The following GALNT17 variants were observed in gnomAD, a reference collection of about 807,000 sequenced individuals.
GALNT17 encodes polypeptide N-acetylgalactosaminyltransferase 17.
Under a neutral mutation model 63.7 loss-of-function variants are expected in GALNT17, and 29 were observed. The observed-to-expected ratio is 0.46, with a 90% CI of 0.34 to 0.62. The LOEUF is 0.62. Among genes scored for constraint, GALNT17 ranks in the 20% least tolerant of loss-of-function variants. The pLI, the probability that GALNT17 is intolerant of heterozygous loss-of-function variation, is 0.01. For synonymous variants in GALNT17, 305 were observed against 318.3 expected (o/e 0.96, Z 0.45); for missense variants, 603 against 799.6 (o/e 0.75, Z 2.97).
intron 1 of GALNT17, among the ~76,000 whole-genome samples, chr7:71,233,748 C>A (rs1789836648): frequency 6.6e-6 from 1 of 152,084 alleles, no homozygotes; most frequent in Non-Finnish European, 1.5e-5. Flanking sequence ...CCCTTGGGAG[C>A]ACACATGTAT....
intron 1 of GALNT17, among the ~76,000 whole-genome samples, chr7:71,289,443 C>T (rs546197703): frequency 2.4e-4 from 37 of 152,190 alleles, no homozygotes; most frequent in African/African-American, 8.9e-4. Flanking sequence ...GTTCACATAA[C>T]ATCAGATTCA....
intron 5 of GALNT17, among the ~76,000 whole-genome samples, chr7:71,460,614 A>G (rs1227307268): frequency 6.6e-6 from 1 of 152,182 alleles, no homozygotes; most frequent in Non-Finnish European, 1.5e-5. Context: ...GCGAGTCCAT[A>G]GAGTAAAGTG....
chr7:71,204,269 A>T (rs905858640), intron 1 of GALNT17, among the ~76,000 whole-genome samples: 18 of 152,070 alleles, frequency 1.2e-4, no homozygotes, highest in East Asian at 1.9e-4. Flanking sequence ...GTCTGTTTTT[A>T]TGCCAGTACC....
At chr7:71,616,989 A>T (rs1012053164) in intron 6 of GALNT17, among the ~76,000 whole-genome samples, 2 of 146,262 alleles carry the variant, frequency 1.4e-5, no homozygotes, top group African/African-American at 5.0e-5. Context: ...TTCTATATTA[A>T]TATATAAATA....
chr7:71,595,465 A>C (rs1789871620), intron 6 of GALNT17, among the ~76,000 whole-genome samples: 1 of 151,920 alleles, frequency 6.6e-6, no homozygotes, highest in South Asian at 2.1e-4. Context: ...AAAGTAAAAA[A>C]ATCCAGGATG....
At chr7:71,654,248 G>A (rs1289245013) in intron 6 of GALNT17, among the ~76,000 whole-genome samples, 5 of 152,108 alleles carry the variant, frequency 3.3e-5, no homozygotes, top group Admixed American at 6.6e-5. Context: ...ATCTCCTGAC[G>A]TGATCCGCCC....
intron 5 of GALNT17, among the ~76,000 whole-genome samples, chr7:71,435,463 T>C (rs1483064172): frequency 6.6e-6 from 1 of 151,778 alleles, no homozygotes; most frequent in African/African-American, 2.4e-5. Flanking sequence ...GGTTTAGGAG[T>C]CATGCAGCTG....
intron 2 of GALNT17, among the ~76,000 whole-genome samples, chr7:71,385,270 G>A (rs1792920121): frequency 6.6e-6 from 1 of 152,114 alleles, no homozygotes; most frequent in Non-Finnish European, 1.5e-5. Context: ...AGGGCTGGAG[G>A]CTGAGCTCAG....
At chr7:71,409,776 T>G (rs1386050853) in intron 3 of GALNT17, among the ~76,000 whole-genome samples, 1 of 152,104 alleles carries the variant, frequency 6.6e-6, no homozygotes, top group Non-Finnish European at 1.5e-5. Flanking sequence ...GAGAAAGAGT[T>G]TCATGAGTAT....
At chr7:71,336,550 T>G (rs1236776449) in intron 2 of GALNT17, among the ~76,000 whole-genome samples, 1 of 152,196 alleles carries the variant, frequency 6.6e-6, no homozygotes, top group Non-Finnish European at 1.5e-5. Flanking sequence ...TATGTCCATG[T>G]GTACTCGTCG....
chr7:71,667,446 T>C (rs1286301320), intron 7 of GALNT17, among the ~76,000 whole-genome samples: 1 of 152,202 alleles, frequency 6.6e-6, no homozygotes, highest in Non-Finnish European at 1.5e-5. Flanking sequence ...ATTTGTAATA[T>C]CTTATTTAAT....
At chr7:71,184,998 T>TC (rs1174991794) in intron 1 of GALNT17, among the ~76,000 whole-genome samples, 1 of 116,292 alleles carries the variant, frequency 8.6e-6, no homozygotes, top group Non-Finnish European at 1.7e-5. Flanking sequence ...CTTCCTTCCT[T>TC]CTTCCTTCCC....
At chr7:71,175,876 G>A (rs1320442962) in intron 1 of GALNT17, among the ~76,000 whole-genome samples, 1 of 152,038 alleles carries the variant, frequency 6.6e-6, no homozygotes, top group African/African-American at 2.4e-5. Context: ...CCTCCAGCCT[G>A]GACAACAGAG....
chr7:71,624,346 G>C (rs1387305570), intron 6 of GALNT17, among the ~76,000 whole-genome samples: 1 of 152,206 alleles, frequency 6.6e-6, no homozygotes, highest in Non-Finnish European at 1.5e-5. Flanking sequence ...CACAGCAGAA[G>C]AGCATAACCA....
intron 1 of GALNT17, among the ~76,000 whole-genome samples, chr7:71,331,933 A>G (rs1791814985): frequency 6.6e-6 from 1 of 152,122 alleles, no homozygotes; most frequent in African/African-American, 2.4e-5. Context: ...TTGTGCTGTT[A>G]TTGGCCACAC....
chr7:71,478,506 G>A (rs888389451), intron 5 of GALNT17, among the ~76,000 whole-genome samples: 1 of 151,908 alleles, frequency 6.6e-6, no homozygotes, highest in Non-Finnish European at 1.5e-5. Flanking sequence ...ATAGCAATGG[G>A]GTCTCCCTAT....
At chr7:71,650,905 A>T (rs1162169454) in intron 6 of GALNT17, among the ~76,000 whole-genome samples, 1 of 152,192 alleles carries the variant, frequency 6.6e-6, no homozygotes, top group Non-Finnish European at 1.5e-5. Context: ...AGTGACATCC[A>T]TGTCTAAATT....
chr7:71,512,161 C>T lies in GALNT17; in HGVS notation c.963-59124C>T, dbSNP rs572982415. ...GGGACTACAGGTGTGTGCCACCATG[C>T]CTCCTAGCTAATTTTGTATTTTTAG... On this transcript the variant is annotated intron_variant, in intron 5 of 10. Transcript: ENST00000333538. Among the ~76,000 whole-genome samples, 8 of 152,084 alleles carry T rather than the reference C, an allele frequency of 5.3e-5. No homozygotes were observed. The South Asian group carries it at 1.7e-3, about 32-fold the overall frequency.
chr7:71,683,236 C>T (rs960482817), intron 9 of GALNT17, among the ~76,000 whole-genome samples: 10 of 152,254 alleles, frequency 6.6e-5, no homozygotes, highest in African/African-American at 2.2e-4. Flanking sequence ...TGTTCAGCCA[C>T]GTGTCCTGAA....
Sources: allele counts gnomAD v4.1 joint callset (sites outside exome capture counted in the v4.1 genomes callset), GRCh38; gene constraint gnomAD v4.1.1; transcripts MANE v1.5; gene names NCBI Gene and HGNC (gene_info 2026-07-23, HGNC 2026-07-21).